CDH12: variants seen among roughly 807,000 people sequenced by gnomAD.
CDH12 encodes cadherin-12.
A neutral mutation model predicts 74.1 loss-of-function variants in CDH12; 41 were observed. That is an observed-to-expected ratio of 0.55 (90% CI 0.43 to 0.72). The LOEUF is 0.72. Ranked by LOEUF, CDH12 falls within the 30% of genes least tolerant of loss-of-function variation. The probability of loss-of-function intolerance (pLI) is 0.00; values close to 1 mark genes in which losing one functional copy is unlikely to be tolerated. For synonymous variants in CDH12, 399 were observed against 355.0 expected (o/e 1.12, Z -1.39); for missense variants, 945 against 977.2 (o/e 0.97, Z 0.44).
rs1032767154 is a variant in CDH12 at position 22,822,471 on chromosome 5, G to A, written c.-523+30587C>T. Reference sequence around the variant, plus strand: ...ACCTACAGAATGGGAGAAAATTTTCGCAACCTACTCATCTGACAAAGGGCT... The same window carrying A: ...ACCTACAGAATGGGAGAAAATTTTCACAACCTACTCATCTGACAAAGGGCT... On this transcript the variant is annotated intron_variant, in intron 1 of 14. Coordinates refer to ENST00000382254, the MANE Select transcript of CDH12 (RefSeq NM_004061.5). Among the ~76,000 whole-genome samples, 14 of 152,084 alleles carry A rather than the reference G, an allele frequency of 9.2e-5. No homozygotes were observed. In the Middle Eastern group the frequency reaches 0.017, roughly 185 times the overall value.
intron 7 of CDH12, among the ~76,000 whole-genome samples, chr5:21,843,494 T>C (rs921289959): frequency 2.0e-4 from 31 of 151,414 alleles, no homozygotes; most frequent in African/African-American, 6.3e-4. Flanking sequence ...CTGCTGCTAC[T>C]TTATTTATCA....
intron 4 of CDH12, among the ~76,000 whole-genome samples, chr5:22,168,459 C>T (rs1291050356): frequency 6.6e-6 from 1 of 152,006 alleles, no homozygotes; most frequent in South Asian, 2.1e-4. Flanking sequence ...ACTTATGCTG[C>T]ATAAAAGTGC....
chr5:21,848,364 G>A (rs1750289312), intron 7 of CDH12, among the ~76,000 whole-genome samples: 1 of 151,856 alleles, frequency 6.6e-6, no homozygotes, highest in Admixed American at 6.6e-5. Context: ...TAAGGTGAAG[G>A]ATAAAAAAGA....
chr5:22,135,406 T>C (rs1746405567), intron 4 of CDH12, among the ~76,000 whole-genome samples: 1 of 151,964 alleles, frequency 6.6e-6, no homozygotes, highest in Non-Finnish European at 1.5e-5. Flanking sequence ...TGAATACTGA[T>C]CAAGTTAAGG....
intron 3 of CDH12, among the ~76,000 whole-genome samples, chr5:22,256,055 A>G (rs1753304315): frequency 1.3e-5 from 2 of 152,148 alleles, no homozygotes; most frequent in Non-Finnish European, 1.5e-5. Context: ...GTATTATTGC[A>G]TCAACATATA....
rs1244351645 is a variant in CDH12 at position 22,231,049 on chromosome 5, A to G, written c.-332-18406T>C. Among the ~76,000 whole-genome samples, 4 of 152,304 alleles carry G rather than the reference A, an allele frequency of 2.6e-5. No homozygotes were observed. In the East Asian group the frequency reaches 7.7e-4, roughly 29 times the overall value. ...TATGGAGAAATAGGACTATATTCTT[A>G]TGCCAATGATTCTGATGACACTGGC... On this transcript the variant is annotated intron_variant, in intron 3 of 14. Transcript: ENST00000382254.
At chr5:21,811,222 A>G (rs937471734) in intron 9 of CDH12, among the ~76,000 whole-genome samples, 1 of 152,148 alleles carries the variant, frequency 6.6e-6, no homozygotes, top group Non-Finnish European at 1.5e-5. Context: ...AAAACTAAAT[A>G]GGAAATAACT....
intron 6 of CDH12, among the ~76,000 whole-genome samples, chr5:21,938,723 C>T (rs10472474): frequency 4.6e-4 from 52 of 111,994 alleles, no homozygotes; most frequent in South Asian, 8.7e-4. Flanking sequence ...ATATAATATA[C>T]ATATATATAT....
intron 3 of CDH12, among the ~76,000 whole-genome samples, chr5:22,310,469 A>AAAAC (rs1221859548): frequency 6.6e-6 from 1 of 151,754 alleles, no homozygotes; most frequent in Non-Finnish European, 1.5e-5. Flanking sequence ...TCTCAAAAAA[A>AAAAC]AAAAAATGGC....
chr5:22,345,998 C>A (rs541994252), intron 3 of CDH12, among the ~76,000 whole-genome samples: 32 of 150,302 alleles, frequency 2.1e-4, no homozygotes, highest in Admixed American at 1.6e-3. Context: ...TCCAGCTACT[C>A]GGGAGGCTGA....
At chr5:22,361,708 C>A (rs1326635483) in intron 3 of CDH12, among the ~76,000 whole-genome samples, 2 of 152,134 alleles carry the variant, frequency 1.3e-5, no homozygotes, top group Non-Finnish European at 2.9e-5. Flanking sequence ...ACCAAAACAG[C>A]ATGGTACTGG....
intron 6 of CDH12, among the ~76,000 whole-genome samples, chr5:21,965,113 CATT>C (rs1756522953): frequency 6.6e-6 from 1 of 151,956 alleles, no homozygotes; most frequent in African/African-American, 2.4e-5. Context: ...AAGAAAAATA[CATT>C]ATTTCATAAA....
intron 6 of CDH12, among the ~76,000 whole-genome samples, chr5:21,894,565 C>T (rs1427253702): frequency 6.6e-6 from 1 of 151,916 alleles, no homozygotes; most frequent in Non-Finnish European, 1.5e-5. Context: ...GAAACACAAA[C>T]ACATACATGT....
chr5:21,883,650 G>T (rs940994562), intron 6 of CDH12: 1 of 1,611,874 alleles, frequency 6.2e-7, no homozygotes, highest in African/African-American at 1.3e-5. Flanking sequence ...GACCAAAGAC[G>T]ATGCCATGCT....
At chr5:22,117,473 A>G (rs2150269328) in intron 4 of CDH12, among the ~76,000 whole-genome samples, 1 of 66,732 alleles carries the variant, frequency 1.5e-5, no homozygotes, top group African/African-American at 6.1e-5. Flanking sequence ...TATATAATAT[A>G]TATATTATAT....
At chr5:22,435,648 C>T (rs1744356863) in intron 2 of CDH12, among the ~76,000 whole-genome samples, 1 of 151,864 alleles carries the variant, frequency 6.6e-6, no homozygotes, top group African/African-American at 2.4e-5. Context: ...CTCCTTCTTG[C>T]CTTTGTAGGA....
chr5:22,603,640 G>C (rs568871058), intron 1 of CDH12, among the ~76,000 whole-genome samples: 53 of 152,226 alleles, frequency 3.5e-4, no homozygotes, highest in African/African-American at 1.0e-3. Flanking sequence ...ATGGTCCAAG[G>C]GGGAGGGAGA....
At position 22,603,147 on chromosome 5, in the gene CDH12, CT is replaced by C. The variant is rs548770724; in HGVS notation, c.-522-97784del. On this transcript the variant is annotated intron_variant, in intron 1 of 14. Transcript: ENST00000382254. ...TTTAAAAATGTCTTTAAATAAGAAG[CT>C]TACCCAGAAACAGGGCACAAGAAAT... 3.6e-3 allele frequency among the ~76,000 whole-genome samples: 549 copies of C among 152,098 alleles called. 1 individual carries two copies. Among genetic ancestry groups the C allele is most frequent in the African/African-American group, 0.01 (422 of 41,500 alleles).
intron 1 of CDH12, among the ~76,000 whole-genome samples, chr5:22,613,014 T>C (rs1737489664): frequency 6.6e-6 from 1 of 152,082 alleles, no homozygotes; most frequent in African/African-American, 2.4e-5. Flanking sequence ...TATCTGGAAA[T>C]TCTGCCGTAT....
Sources: allele counts gnomAD v4.1 joint callset (sites outside exome capture counted in the v4.1 genomes callset), GRCh38; gene constraint gnomAD v4.1.1; transcripts MANE v1.5; gene names NCBI Gene and HGNC (gene_info 2026-07-23, HGNC 2026-07-21).